The following LINGO2 variants were observed in gnomAD, a reference collection of about 807,000 sequenced individuals.
LINGO2 encodes leucine rich repeat and Ig domain containing 2.
In LINGO2, 14 loss-of-function variants were observed where a neutral mutation model predicts 30.6. The ratio of observed to expected loss-of-function variants is 0.46; its 90% CI spans 0.30 to 0.72. The LOEUF (loss-of-function observed/expected upper bound fraction) is 0.72. Ranked by LOEUF, LINGO2 falls within the 30% of genes least tolerant of loss-of-function variation. LINGO2 has a pLI of 0.07. For missense variants in LINGO2, 729 were observed against 751.7 expected (o/e 0.97, Z 0.35); for synonymous variants, 317 against 288.5 (o/e 1.10, Z -1.00).
chr9:28,602,579 A>T (rs1373382384), intron 1 of LINGO2, among the ~76,000 whole-genome samples: 1 of 152,090 alleles, frequency 6.6e-6, no homozygotes, highest in Non-Finnish European at 1.5e-5. Flanking sequence ...AAAATGTGTC[A>T]ATATGTTGAT....
chr9:28,504,991 G>T (rs1175482162), intron 1 of LINGO2, among the ~76,000 whole-genome samples: 3 of 151,796 alleles, frequency 2.0e-5, no homozygotes, highest in South Asian at 2.1e-4. Context: ...TGCAGGGAAG[G>T]GTTCAAGTCA....
At chr9:28,321,235 T>G (rs1240777526) in intron 3 of LINGO2, among the ~76,000 whole-genome samples, 1 of 152,088 alleles carries the variant, frequency 6.6e-6, no homozygotes, top group Non-Finnish European at 1.5e-5. Flanking sequence ...CCTACTGAAA[T>G]TCAAGAATCA....
intron 1 of LINGO2, among the ~76,000 whole-genome samples, chr9:28,537,474 T>C (rs72713582): frequency 0.012 from 1,851 of 152,234 alleles, 23 homozygotes; most frequent in Admixed American, 0.026. Context: ...GTCATGGACT[T>C]TGACTGTGGT....
the LINGO2 span, among the ~76,000 whole-genome samples, chr9:29,076,031 A>ATT: frequency 1.3e-4 from 19 of 146,876 alleles, no homozygotes; most frequent in African/African-American, 4.7e-4. Flanking sequence ...ACCACATCTG[A>ATT]TTTTTTTTTT....
At chr9:28,989,206 C>T in the LINGO2 span, among the ~76,000 whole-genome samples, 10 of 152,136 alleles carry the variant, frequency 6.6e-5, no homozygotes, top group South Asian at 2.1e-4. Context: ...ATCTAAATTA[C>T]TACCAACAAA....
intron 1 of LINGO2, among the ~76,000 whole-genome samples, chr9:28,560,796 A>C (rs1823008739): frequency 6.6e-6 from 1 of 151,940 alleles, no homozygotes; most frequent in Non-Finnish European, 1.5e-5. Context: ...CCTCCCAAGT[A>C]GCTGGAACCA....
chr9:28,001,615 C>CT (rs1210183793), intron 5 of LINGO2, among the ~76,000 whole-genome samples: 1 of 151,952 alleles, frequency 6.6e-6, no homozygotes, highest in Non-Finnish European at 1.5e-5. Flanking sequence ...TGTTGCAAGT[C>CT]TTTCAGAGGC....
the LINGO2 span, among the ~76,000 whole-genome samples, chr9:29,054,751 A>G: frequency 1.1e-4 from 16 of 152,238 alleles, no homozygotes; most frequent in Non-Finnish European, 1.9e-4. Context: ...GTGAAAACAT[A>G]CAAGCAAGCA....
chr9:29,158,868 C>T, the LINGO2 span, among the ~76,000 whole-genome samples: 1 of 147,284 alleles, frequency 6.8e-6, no homozygotes, highest in Non-Finnish European at 1.5e-5. Flanking sequence ...AACCCTTATC[C>T]CTCTGAATTC....
intron 2 of LINGO2, among the ~76,000 whole-genome samples, chr9:28,443,798 G>A (rs557660052): frequency 3.9e-5 from 6 of 152,198 alleles, no homozygotes; most frequent in Non-Finnish European, 8.8e-5. Flanking sequence ...ACAGCACGTT[G>A]ATGGTGGCAG....
At chr9:28,992,100 A>T in the LINGO2 span, among the ~76,000 whole-genome samples, 55 of 152,312 alleles carry the variant, frequency 3.6e-4, no homozygotes, top group African/African-American at 1.2e-3. Context: ...GACCCATCAG[A>T]GTGCTATATT....
the LINGO2 span, among the ~76,000 whole-genome samples, chr9:28,937,651 A>G: frequency 6.6e-6 from 1 of 152,138 alleles, no homozygotes; most frequent in African/African-American, 2.4e-5. Context: ...GGGCAGCCTC[A>G]TCCTCTGAAA....
intron 2 of LINGO2, among the ~76,000 whole-genome samples, chr9:28,386,626 T>C (rs1246918484): frequency 1.3e-5 from 2 of 152,284 alleles, no homozygotes; most frequent in Non-Finnish European, 1.5e-5. Flanking sequence ...TCATAGTTGC[T>C]TACCTCAATT....
the LINGO2 span, among the ~76,000 whole-genome samples, chr9:29,213,015 T>G: frequency 6.6e-6 from 1 of 152,108 alleles, no homozygotes; most frequent in Non-Finnish European, 1.5e-5. Flanking sequence ...GACTTCCCCC[T>G]CCTCAGCTCT....
At chr9:28,138,247 C>T (rs547694205) in intron 4 of LINGO2, among the ~76,000 whole-genome samples, 1 of 152,270 alleles carries the variant, frequency 6.6e-6, no homozygotes, top group East Asian at 1.9e-4. Context: ...TTTCAATTTA[C>T]CTAAAACACT....
intron 5 of LINGO2, among the ~76,000 whole-genome samples, chr9:27,992,367 A>G (rs1430257062): frequency 6.6e-6 from 1 of 152,130 alleles, no homozygotes; most frequent in Non-Finnish European, 1.5e-5. Context: ...TGTTGGTTCA[A>G]TGTAATGTAT....
At position 28,045,490 on chromosome 9, in the gene LINGO2, GA is replaced by G. The variant is rs1393426750; in HGVS notation, c.-86-33086del. On this transcript the variant is annotated intron_variant, in intron 4 of 5. Coordinates refer to ENST00000379992, the Ensembl canonical transcript of LINGO2. Reference sequence around the variant, plus strand: ...GACTCTAATGCACAATGATACAGGGGAAAAGTAGAACTCAGAATTTTAAAAG... The same window carrying G: ...GACTCTAATGCACAATGATACAGGGGAAAGTAGAACTCAGAATTTTAAAAG... 3.9e-5 allele frequency among the ~76,000 whole-genome samples: 6 copies of G among 152,230 alleles called. No individual in the cohort carries two copies. The South Asian group carries it at 1.2e-3, about 32-fold the overall frequency.
chr9:28,373,271 G>T (rs1447376245), intron 2 of LINGO2, among the ~76,000 whole-genome samples: 1 of 152,070 alleles, frequency 6.6e-6, no homozygotes, highest in Non-Finnish European at 1.5e-5. Context: ...ATTTTAAGGT[G>T]CTATTACAAT....
In LINGO2 at chr9:28,492,704, T is replaced by C. The variant is rs1321068673; in HGVS notation, c.-364-16679A>G. On this transcript the variant is annotated intron_variant, in intron 1 of 5. Coordinates refer to ENST00000379992, the Ensembl canonical transcript of LINGO2. The stretch of plus-strand genomic sequence containing the variant: ...AGATCCCTAAACATAAATGAGTCTC[T>C]GAATTCCAACCAGCATCTAGAGGGA... Among the ~76,000 whole-genome samples, 6 of 152,168 alleles carry C rather than the reference T, an allele frequency of 3.9e-5. No individual in the cohort carries two copies. The East Asian group carries it at 7.7e-4, about 20-fold the overall frequency.
Sources: gnomAD v4.1 joint callset for allele counts (sites outside exome capture counted in the v4.1 genomes callset) on GRCh38, gnomAD v4.1.1 for gene constraint, MANE v1.5 for transcripts, NCBI Gene and HGNC (gene_info 2026-07-23, HGNC 2026-07-21) for gene names.